Variants in PRPF39 observed in about 807,000 individuals in gnomAD.
PRPF39 encodes the protein pre-mRNA-processing factor 39.
Under a neutral mutation model 82.1 loss-of-function variants are expected in PRPF39, and 27 were observed. The observed-to-expected ratio is 0.33, with a 90% CI of 0.24 to 0.45. PRPF39 has a LOEUF of 0.45. Ranked by LOEUF, PRPF39 falls within the 20% of genes least tolerant of loss-of-function variation. The pLI is 1.00. For synonymous variants in PRPF39, 261 were observed against 256.4 expected (o/e 1.02, Z -0.17); for missense variants, 581 against 796.9 (o/e 0.73, Z 3.26).
chr14:45,095,968 A>T (rs1884188748), intron 2 of PRPF39, 135 bp from the exon 3 acceptor site: 1 of 675,342 alleles, frequency 1.5e-6, no homozygotes, highest in Non-Finnish European at 2.3e-6. Flanking sequence ...CTCCATCGGC[A>T]GAGCAGCCTG....
Position 45,096,971 on chromosome 14 carries a change from C to A in PRPF39, c.535C>A (p.Pro179Thr). The change falls in exon 4 of 14, where the codon CCT becomes ACT. Residue 179 changes from proline (P) to threonine (T), a missense_variant. Pro to Thr is a conservative substitution (Grantham distance 38). Transcript: ENST00000355765. ...AAACTTCTTAAAAGAAACATTGGAC[C>A]CTGGTGATCCTGAGACAAACAATAC... ...YINFLKETLDPGDPETNNTIR... is the reference protein window; with the variant it reads ...YINFLKETLDTGDPETNNTIR... The A allele has an allele frequency of 1.3e-6, 2 of 1,551,780 alleles. No individual in the cohort carries two copies. The highest frequency in any genetic ancestry group is 1.7e-6 in the Non-Finnish European group (2 of 1,147,772).
At chr14:45,105,718 G>A (rs1884509283) in intron 5 of PRPF39, among the ~76,000 whole-genome samples, 1 of 151,652 alleles carries the variant, frequency 6.6e-6, no homozygotes. Context: ...GTACAGATGG[G>A]TTTCAGCGTG....
In PRPF39 at chr14:45,112,336, C is replaced by T. The variant is rs1369437476; in HGVS notation, c.1591C>T (p.Leu531Phe). Residue 531 changes from leucine (L) to phenylalanine (F), a missense_variant, in exon 11 of 14, where the codon CTC (leucine) becomes TTC (phenylalanine). Physicochemically the swap from Leu to Phe is conservative, Grantham distance 22. Transcript: ENST00000355765. ...TACACAGGAGAACACAAAGTTATAC[C>T]TCAATTTACTTGAAATGGAATATAG... ...ERDKENTKLYLNLLEMEYSGD... is the reference protein window; with the variant it reads ...ERDKENTKLYFNLLEMEYSGD... The T allele has an allele frequency of 6.4e-7, 1 of 1,558,320 alleles. No homozygotes were observed. The highest frequency in any genetic ancestry group is 8.6e-7 in the Non-Finnish European group (1 of 1,162,936).
At chr14:45,108,962 C>A (rs1301703238) in intron 7 of PRPF39, among the ~76,000 whole-genome samples, 2 of 152,084 alleles carry the variant, frequency 1.3e-5, no homozygotes, top group Non-Finnish European at 2.9e-5. Context: ...TTCAATAGTT[C>A]TTAGTATATT....
intron 4 of PRPF39, 87 bp downstream of exon 4, chr14:45,097,092 G>A (rs1884221871): frequency 7.1e-7 from 1 of 1,413,228 alleles, no homozygotes; most frequent in South Asian, 1.7e-5. Flanking sequence ...AGCTAAGCTG[G>A]AAGTTTAACT....
Position 45,110,750 on chromosome 14 carries a change from T to C in PRPF39, c.1505T>C (p.Leu502Pro). ...TATGCTGTCAAACTAGCCCGGCATC[T>C]TTTCAAAATACAGAAAAACCTTCCA... ...SFYAVKLARH[L>P]FKIQKNLPKS... The change falls in exon 10 of 14, where the codon CTT becomes CCT. Residue 502 changes from leucine to proline, a missense_variant. Physicochemically the swap from Leu to Pro is moderately conservative, Grantham distance 98. Transcript: ENST00000355765. The surrounding 1 kb of genome is among the most constrained non-coding windows in gnomAD (Gnocchi z 4.0). 1 of 1,556,604 alleles carries C rather than the reference T, an allele frequency of 6.4e-7. No homozygotes were observed. Among genetic ancestry groups the C allele is most frequent in the Non-Finnish European group, 8.7e-7 (1 of 1,149,300 alleles).
At chr14:45,106,949 G>C (rs1884552066) in intron 5 of PRPF39, among the ~76,000 whole-genome samples, 1 of 152,122 alleles carries the variant, frequency 6.6e-6, no homozygotes, top group Non-Finnish European at 1.5e-5. Flanking sequence ...ACATGTGGAT[G>C]AGGAGTATTT....
At chr14:45,105,726 G>A (rs947087073) in intron 5 of PRPF39, among the ~76,000 whole-genome samples, 41 of 151,752 alleles carry the variant, frequency 2.7e-4, no homozygotes, top group East Asian at 2.0e-4. Flanking sequence ...GGGTTTCAGC[G>A]TGTTTGCCAG....
Position 45,115,353 on chromosome 14 carries a change from G to A in PRPF39, c.*440G>A, listed in dbSNP as rs949776500. 7.1e-6 allele frequency: 1 copy of A among 140,416 alleles called. No individual in the cohort carries two copies. 8.7% of individuals were successfully genotyped at this position (140,416 alleles called of 1,614,324 possible). A position where few individuals can be genotyped will look rare whatever the true frequency, so the allele number is the denominator to read the frequency against. ...AACCTTTGCTGACAAGGTTTTGTCT[G>A]TTTCAGTTATACTTGTGAATTGTGA... On this transcript the variant is annotated 3_prime_UTR_variant, in exon 14 of 14. Transcript: ENST00000355765.
Position 45,093,713 on chromosome 14 carries a change from G to T in PRPF39, c.-19-1508G>T, listed in dbSNP as rs190442288. Among the ~76,000 whole-genome samples the T allele has an allele frequency of 3.9e-3, 597 of 151,776 alleles. 11 individuals are homozygous for T. The highest frequency in any genetic ancestry group is 0.014 in the African/African-American group (575 of 41,312). On this transcript the variant is annotated intron_variant, in intron 1 of 13. Coordinates refer to ENST00000355765, the MANE Select transcript of PRPF39 (RefSeq NM_017922.4). Reference sequence around the variant, plus strand: ...TGGGATTACAGGCATGTGCCACCACGCCCGGCTAATTTGGTATTTTTAGTA... The same window carrying T: ...TGGGATTACAGGCATGTGCCACCACTCCCGGCTAATTTGGTATTTTTAGTA...
intron 1 of PRPF39, among the ~76,000 whole-genome samples, chr14:45,090,997 CATTTAAA>C (rs1884004701): frequency 6.6e-6 from 1 of 152,128 alleles, no homozygotes; most frequent in Non-Finnish European, 1.5e-5. Flanking sequence ...GGTCTTTTAA[CATTTAAA>C]ATTTATTCTT....
chr14:45,087,279 T>C (rs1010876549), intron 1 of PRPF39, among the ~76,000 whole-genome samples: 3 of 152,074 alleles, frequency 2.0e-5, no homozygotes, highest in Non-Finnish European at 4.4e-5. Context: ...TTAAATTTTT[T>C]TGTAGAGACA....
In PRPF39 at chr14:45,095,533, G is replaced by A; in HGVS notation, c.294G>A (p.Trp98Ter). The A allele has an allele frequency of 6.2e-7, 1 of 1,607,614 alleles. No homozygotes were observed. The highest frequency in any genetic ancestry group is 8.5e-7 in the Non-Finnish European group (1 of 1,176,730). Residue 98 changes from tryptophan (W) to a stop codon, truncating the protein, a stop_gained, in exon 2 of 14, where the codon TGG (tryptophan) becomes TGA (stop). Coordinates refer to ENST00000355765, the MANE Select transcript of PRPF39 (RefSeq NM_017922.4). LOFTEE classifies it high-confidence loss of function. ...ATAATCCTCAGGATTTTACAGGCTG[G>A]GTATATTTGCTTCAATATGTAGAAC... is the stretch of plus-strand genomic sequence containing the variant. ...VENNPQDFTGWVYLLQYVEQE... is the reference protein window; with the variant it reads ...VENNPQDFTG
At chr14:45,102,409 T>G in intron 4 of PRPF39, 120 bp from the exon 5 acceptor site, 1 of 790,630 alleles carries the variant, frequency 1.3e-6, no homozygotes, top group Non-Finnish European at 1.9e-6. Flanking sequence ...TAATCCCTAC[T>G]TGCATAGGAA....
chr14:45,096,817 T>A (rs536336624), intron 3 of PRPF39, 70 bp from the exon 4 acceptor site: 3 of 1,539,346 alleles, frequency 1.9e-6, no homozygotes, highest in Non-Finnish European at 2.6e-6. Context: ...GTTCACCGGA[T>A]AACACAGTGT....
At chr14:45,098,519 A>C (rs74578502) in intron 4 of PRPF39, among the ~76,000 whole-genome samples, 6,106 of 151,574 alleles carry the variant, frequency 0.04, 207 homozygotes, top group South Asian at 0.12. Context: ...TTCATTTTAT[A>C]ACCTTTTTGG....
chr14:45,097,652 TTTTAA>T (rs1296587634), intron 4 of PRPF39, among the ~76,000 whole-genome samples: 12 of 152,174 alleles, frequency 7.9e-5, no homozygotes, highest in African/African-American at 1.7e-4. Context: ...GTGGCATCTC[TTTTAA>T]TTTGTTTATG....
intron 11 of PRPF39, among the ~76,000 whole-genome samples, chr14:45,113,773 C>T (rs1884761345): frequency 6.6e-6 from 1 of 152,138 alleles, no homozygotes; most frequent in Non-Finnish European, 1.5e-5. Context: ...CAAGTTGAAT[C>T]TCATCTAAAA....
intron 1 of PRPF39, among the ~76,000 whole-genome samples, chr14:45,092,926 C>T (rs1391866452): frequency 6.6e-6 from 1 of 151,962 alleles, no homozygotes; most frequent in East Asian, 1.9e-4. Context: ...AAAATGTATC[C>T]AGTCAACTTA....
Sources: allele counts gnomAD v4.1 joint callset (sites outside exome capture counted in the v4.1 genomes callset), GRCh38; gene constraint gnomAD v4.1.1; non-coding constraint Gnocchi (gnomAD v3.1); transcripts MANE v1.5; gene names NCBI Gene and HGNC (gene_info 2026-07-23, HGNC 2026-07-21).